The following RALGAPB variants were observed in gnomAD, a reference collection of about 807,000 sequenced individuals.
The protein encoded by RALGAPB is Ral GTPase activating protein non-catalytic subunit beta.
Under a neutral mutation model 161.1 loss-of-function variants are expected in RALGAPB, and 25 were observed. That is an observed-to-expected ratio of 0.16 (90% CI 0.11 to 0.22). The LOEUF is 0.22. Ranked by LOEUF, RALGAPB falls within the 10% of genes least tolerant of loss-of-function variation. The pLI is 1.00. For missense variants in RALGAPB, 1,391 were observed against 1,815.2 expected (o/e 0.77, Z 4.25); for synonymous variants, 629 against 626.1 (o/e 1.00, Z -0.07).
chr20:38,491,855 G>T (rs971189580), intron 2 of RALGAPB, among the ~76,000 whole-genome samples: 8 of 152,174 alleles, frequency 5.3e-5, no homozygotes, highest in Admixed American at 4.6e-4. Context: ...AGCTCATTTG[G>T]CATGGCTTGA....
intron 5 of RALGAPB, among the ~76,000 whole-genome samples, chr20:38,506,786 G>A (rs1311007267): frequency 6.6e-6 from 1 of 152,050 alleles, no homozygotes; most frequent in Non-Finnish European, 1.5e-5. Context: ...AAAGAGAGGG[G>A]GTGACAGGAA....
chr20:38,551,368 A>C, intron 21 of RALGAPB, 145 bp downstream of exon 21: 1 of 938,398 alleles, frequency 1.1e-6, no homozygotes, highest in Non-Finnish European at 1.6e-6. Flanking sequence ...TGCCATGTTT[A>C]AGACGAATAT....
At chr20:38,517,082 C>A (rs1419849990) in intron 7 of RALGAPB, among the ~76,000 whole-genome samples, 1 of 152,178 alleles carries the variant, frequency 6.6e-6, no homozygotes, top group Non-Finnish European at 1.5e-5. Flanking sequence ...GATCCAAGGC[C>A]CTTCCATCTG....
chr20:38,526,365 C>G (rs574904785), intron 13 of RALGAPB, among the ~76,000 whole-genome samples: 1 of 151,974 alleles, frequency 6.6e-6, no homozygotes, highest in African/African-American at 2.4e-5. Flanking sequence ...TTCCTCCTGC[C>G]TCTTTCTCTT....
At position 38,510,131 on chromosome 20, in the gene RALGAPB, TACACACACAC is replaced by T. The variant is rs34759480; in HGVS notation, c.872+949_872+958del. Among the ~76,000 whole-genome samples, 276 of 146,268 alleles carry T rather than the reference TACACACACAC, an allele frequency of 1.9e-3. 2 individuals carry two copies. The highest frequency in any genetic ancestry group is 5.8e-3 in the African/African-American group (235 of 40,304). ...ATGTATATAAACACACACACGCACA[TACACACACAC>T]ACACACACACACACACACACACACA... On this transcript the variant is annotated intron_variant, in intron 6 of 29. Coordinates refer to ENST00000262879, the MANE Select transcript of RALGAPB (RefSeq NM_020336.4).
intron 24 of RALGAPB, among the ~76,000 whole-genome samples, chr20:38,564,413 C>T (rs1390587805): frequency 6.6e-6 from 1 of 152,154 alleles, no homozygotes; most frequent in Non-Finnish European, 1.5e-5. Context: ...TCTAAAGCTT[C>T]CTATTTGCCA....
At position 38,499,642 on chromosome 20, in the gene RALGAPB, T is replaced by C; in HGVS notation, c.740+9T>C. The C allele has an allele frequency of 6.2e-7, 1 of 1,605,840 alleles. No individual in the cohort carries two copies. The highest frequency in any genetic ancestry group is 8.5e-7 in the Non-Finnish European group (1 of 1,176,202). ...TGTGCACTCACTTCCAGGTAGGTTA[T>C]TGTCATTGCCCTGCCTTCCTTCACC... is the stretch of plus-strand genomic sequence containing the variant. On this transcript the variant is annotated intron_variant, in intron 5 of 29. Transcript: ENST00000262879.
chr20:38,553,474 A>G (rs1347687781), intron 21 of RALGAPB, among the ~76,000 whole-genome samples: 1 of 152,158 alleles, frequency 6.6e-6, no homozygotes, highest in Non-Finnish European at 1.5e-5. Context: ...TTTCATTTAC[A>G]GTGAAAACAT....
intron 10 of RALGAPB, 75 bp downstream of exon 10, chr20:38,521,773 C>T (rs1333170382): frequency 7.6e-6 from 11 of 1,456,130 alleles, no homozygotes; most frequent in South Asian, 3.7e-5. Flanking sequence ...CCGACTGAAC[C>T]GATGAGTGAT....
intron 21 of RALGAPB, among the ~76,000 whole-genome samples, chr20:38,553,597 T>G (rs2087458848): frequency 6.6e-6 from 1 of 152,056 alleles, no homozygotes; most frequent in South Asian, 2.1e-4. Context: ...TGTTGATCAC[T>G]GAAAATTATC....
intron 9 of RALGAPB, 134 bp from the exon 10 acceptor site, chr20:38,521,363 A>G (rs2086283306): frequency 7.2e-7 from 1 of 1,381,514 alleles, no homozygotes; most frequent in Non-Finnish European, 9.6e-7. Flanking sequence ...ATTAAGACAT[A>G]GTTGCTAAAC....
chr20:38,540,057 ACACT>A, intron 17 of RALGAPB, 99 bp downstream of exon 17: 1 of 1,006,960 alleles, frequency 9.9e-7, no homozygotes, highest in Non-Finnish European at 1.4e-6. Context: ...ACAGTATTGC[ACACT>A]TTAAACTGAA....
At chr20:38,558,803 C>G (rs1324099761) in intron 23 of RALGAPB, among the ~76,000 whole-genome samples, 3 of 152,140 alleles carry the variant, frequency 2.0e-5, no homozygotes, top group African/African-American at 7.2e-5. Flanking sequence ...GGTGGTGACA[C>G]ACAGTCTAGA....
At chr20:38,510,071 TA>T (rs1416341716) in intron 6 of RALGAPB, among the ~76,000 whole-genome samples, 3 of 151,990 alleles carry the variant, frequency 2.0e-5, no homozygotes. Context: ...TTTGTAATAG[TA>T]AGTTCTTTTA....
At chr20:38,512,860 C>T (rs1009752333) in intron 6 of RALGAPB, among the ~76,000 whole-genome samples, 6 of 152,220 alleles carry the variant, frequency 3.9e-5, no homozygotes, top group East Asian at 1.9e-4. Context: ...CCTGGGTTCA[C>T]GCCATTCTTC....
intron 21 of RALGAPB, among the ~76,000 whole-genome samples, chr20:38,551,551 A>G (rs921141062): frequency 6.6e-6 from 1 of 152,182 alleles, no homozygotes; most frequent in Admixed American, 6.5e-5. Context: ...TCTTTATAAG[A>G]AAGGAAGGAC....
chr20:38,543,400 A>AT lies in RALGAPB; in HGVS notation c.2714+2209dup, dbSNP rs368786913. On this transcript the variant is annotated intron_variant, in intron 18 of 29. Coordinates refer to ENST00000262879, the MANE Select transcript of RALGAPB (RefSeq NM_020336.4). The stretch of plus-strand genomic sequence containing the variant: ...CTCCATCCCCTCCAACCTGGATAGC[A>AT]TCCTAGTCCAGGCCCTCCTCACTTC... Among the ~76,000 whole-genome samples the AT allele has an allele frequency of 7.2e-5, 11 of 152,290 alleles. No individual in the cohort carries two copies. The East Asian group carries it at 2.1e-3, about 29-fold the overall frequency.
intron 7 of RALGAPB, 41 bp downstream of exon 7, chr20:38,516,411 T>C: frequency 6.4e-7 from 1 of 1,558,032 alleles, no homozygotes; most frequent in Non-Finnish European, 8.8e-7. Flanking sequence ...AAGAGCTTCA[T>C]TTAGATAACT....
In RALGAPB at chr20:38,488,408, A is replaced by G. The variant is rs1344806748; in HGVS notation, c.-25A>G. The G allele has an allele frequency of 1.9e-6, 3 of 1,586,414 alleles. No homozygotes were observed. The highest frequency in any genetic ancestry group is 2.6e-6 in the Non-Finnish European group (3 of 1,162,842). On this transcript the variant is annotated 5_prime_UTR_variant, in exon 2 of 30. Transcript: ENST00000262879. The stretch of plus-strand genomic sequence containing the variant: ...TTTCTGTTTTGTCTTTTCAGGTGCC[A>G]TTTGGATTGTACTTTAGTGGCACGA...
Sources: allele counts gnomAD v4.1 joint callset (sites outside exome capture counted in the v4.1 genomes callset), GRCh38; gene constraint gnomAD v4.1.1; transcripts MANE v1.5; gene names NCBI Gene and HGNC (gene_info 2026-07-23, HGNC 2026-07-21).